Variants in PDZD9 observed in about 807,000 individuals in gnomAD.
The protein encoded by PDZD9 is PDZ domain-containing protein 9.
PDZD9 carries 13 observed loss-of-function variants against 16.3 expected under a neutral mutation model. The ratio of observed to expected loss-of-function variants is 0.80; its 90% CI spans 0.52 to 1.27. The LOEUF (loss-of-function observed/expected upper bound fraction) is 1.27. Among genes scored for constraint, PDZD9 ranks in the 50% most tolerant of loss-of-function variants. PDZD9 has a pLI of 0.00. For missense variants in PDZD9, 288 were observed against 310.9 expected (o/e 0.93, Z 0.55); for synonymous variants, 120 against 111.0 (o/e 1.08, Z -0.51).
At chr16:21,970,332 T>C in the PDZD9 span, among the ~76,000 whole-genome samples, 1 of 152,228 alleles carries the variant, frequency 6.6e-6, no homozygotes. Flanking sequence ...CCAGGACATA[T>C]GGTAACTCTG....
the PDZD9 span, among the ~76,000 whole-genome samples, chr16:21,959,074 T>A: frequency 6.6e-6 from 1 of 152,158 alleles, no homozygotes; most frequent in African/African-American, 2.4e-5. Context: ...TGGTGGAGGG[T>A]CTTGCCTCCA....
downstream of PDZD9, chr16:21,982,983 A>T: frequency 6.2e-6 from 6 of 960,064 alleles, no homozygotes; most frequent in Non-Finnish European, 9.1e-6. Flanking sequence ...AAAAAAAAAA[A>T]GAATGTCCTA....
At chr16:21,984,735 A>G in intron 3 of PDZD9, 75 bp from the exon 4 acceptor site, 2 of 1,226,594 alleles carry the variant, frequency 1.6e-6, no homozygotes, top group East Asian at 2.7e-5. Flanking sequence ...AAGATGCCTT[A>G]TAACTTGCTT....
intron 3 of PDZD9, among the ~76,000 whole-genome samples, chr16:21,987,787 C>T (rs1335060119): frequency 2.0e-5 from 3 of 151,968 alleles, no homozygotes; most frequent in African/African-American, 2.4e-5. Context: ...TGGGAAGTGG[C>T]GTCTTTCGAG....
chr16:21,971,462 A>G, the PDZD9 span: 3 of 1,359,076 alleles, frequency 2.2e-6, no homozygotes, highest in South Asian at 3.8e-5. Flanking sequence ...CAAGGAAAAA[A>G]TATTTTACGA....
the PDZD9 span, among the ~76,000 whole-genome samples, chr16:21,974,940 A>C: frequency 1.3e-5 from 2 of 152,188 alleles, no homozygotes; most frequent in Non-Finnish European, 2.9e-5. Flanking sequence ...AGTTTAAAGA[A>C]AGTAGTGAAG....
chr16:22,000,864 G>GAAA lies in PDZD9; in HGVS notation c.31+152_31+153insTTT, dbSNP rs1567492486. 2.0e-5 allele frequency among the ~76,000 whole-genome samples: 3 copies of GAAA among 151,404 alleles called. No homozygotes were observed. The East Asian group carries it at 5.9e-4, about 30-fold the overall frequency. On this transcript the variant is annotated intron_variant, in intron 1 of 3. Transcript: ENST00000424898. ...TGATGATGATGATGATGATGATGAT[G>GAAA]ATGATGATGATAATGATGATGATGA...
Position 21,984,176 on chromosome 16 carries a change from G to A in PDZD9, c.*91C>T. On this transcript the variant is annotated 3_prime_UTR_variant, in exon 4 of 4. Coordinates refer to ENST00000424898, the MANE Select transcript of PDZD9 (RefSeq NM_001363519.1). ...AGAGAAGAGAATTGGTGAGTCTACA[G>A]ACAGTCCTTGATAAGTACAGCAAAC... 7.2e-7 allele frequency: 1 copy of A among 1,390,072 alleles called. No homozygotes were observed. Among genetic ancestry groups the A allele is most frequent in the Non-Finnish European group, 9.8e-7 (1 of 1,015,970 alleles). 86.1% of individuals were successfully genotyped at this position (1,390,072 alleles called of 1,614,324 possible).
At chr16:21,968,698 T>C in the PDZD9 span, 1 of 1,600,876 alleles carries the variant, frequency 6.2e-7, no homozygotes, top group Non-Finnish European at 8.5e-7. Flanking sequence ...AAGTTTAGAG[T>C]ATTGCCTGCC....
At position 21,996,011 on chromosome 16, in the gene PDZD9, C is replaced by T. The variant is rs768737814; in HGVS notation, c.211+311G>A. Among the ~76,000 whole-genome samples the T allele has an allele frequency of 3.3e-5, 5 of 152,124 alleles. 1 individual carries two copies. The highest frequency in any genetic ancestry group is 2.6e-4 in the Admixed American group (4 of 15,290). ...TTCACCATGTTGGCCAGGCTGGTCT[C>T]GAACTCCCTACCTCAGGATCCACCC... is the stretch of plus-strand genomic sequence containing the variant. On this transcript the variant is annotated intron_variant, in intron 2 of 3. Transcript: ENST00000424898.
the PDZD9 span, chr16:21,971,996 T>C: frequency 3.7e-6 from 6 of 1,614,028 alleles, 1 homozygote; most frequent in Admixed American, 1.7e-5. Context: ...TCGCGGGAAG[T>C]GCAGAGGCAA....
At chr16:21,966,413 A>C in the PDZD9 span, among the ~76,000 whole-genome samples, 2 of 152,148 alleles carry the variant, frequency 1.3e-5, no homozygotes, top group African/African-American at 4.8e-5. Flanking sequence ...TAAATCTACA[A>C]GTGTAGATAT....
At chr16:21,958,228 A>G in the PDZD9 span, among the ~76,000 whole-genome samples, 1 of 152,308 alleles carries the variant, frequency 6.6e-6, no homozygotes, top group Admixed American at 6.5e-5. Context: ...ACAAATTTTT[A>G]ACAGGAAGTG....
the PDZD9 span, chr16:21,962,811 G>C: frequency 1.2e-6 from 2 of 1,614,008 alleles, no homozygotes; most frequent in Non-Finnish European, 1.7e-6. Flanking sequence ...CCAGAATTTC[G>C]TCGTTGGGAA....
the PDZD9 span, chr16:21,965,295 T>A: frequency 1.1e-6 from 1 of 869,768 alleles, no homozygotes; most frequent in Non-Finnish European, 1.9e-6. Context: ...CCTCTTAACA[T>A]ATGAATGCCA....
chr16:21,966,784 A>G, the PDZD9 span, among the ~76,000 whole-genome samples: 1 of 152,230 alleles, frequency 6.6e-6, no homozygotes, highest in Non-Finnish European at 1.5e-5. Flanking sequence ...TGTGTCATTA[A>G]GTTAGCTAAA....
chr16:21,972,152 T>C, the PDZD9 span: 313 of 1,595,146 alleles, frequency 2.0e-4, 2 homozygotes, highest in East Asian at 6.5e-3. Flanking sequence ...ATCTCTCTTT[T>C]TGCTTTCAAA....
chr16:21,962,684 G>A, the PDZD9 span: 15 of 1,603,142 alleles, frequency 9.4e-6, no homozygotes, highest in African/African-American at 1.3e-5. Context: ...CACATTGAGA[G>A]CATTACAGCT....
the PDZD9 span, among the ~76,000 whole-genome samples, chr16:21,960,110 G>A: frequency 1.3e-5 from 2 of 152,140 alleles, no homozygotes; most frequent in African/African-American, 4.8e-5. Flanking sequence ...AAGCTTTGAC[G>A]CCAGGCATTG....
Sources: allele counts gnomAD v4.1 joint callset (sites outside exome capture counted in the v4.1 genomes callset), GRCh38; gene constraint gnomAD v4.1.1; transcripts MANE v1.5; gene names NCBI Gene and HGNC (gene_info 2026-07-23, HGNC 2026-07-21).